The following DCAF4 variants were observed in gnomAD, a reference collection of about 807,000 sequenced individuals.
DCAF4 encodes the protein DDB1 and CUL4 associated factor 4.
DCAF4 carries 37 observed loss-of-function variants against 60.9 expected under a neutral mutation model. That is an observed-to-expected ratio of 0.61 (90% CI 0.47 to 0.80). DCAF4 has a LOEUF of 0.80. Among genes scored for constraint, DCAF4 ranks in the 30% least tolerant of loss-of-function variants. The pLI is 0.00. For synonymous variants in DCAF4, 243 were observed against 254.8 expected (o/e 0.95, Z 0.44); for missense variants, 577 against 650.0 (o/e 0.89, Z 1.22).
rs772833445 is a variant in DCAF4, at chr14:72,943,055, G to A, written c.493G>A (p.Asp165Asn). Residue 165 changes from aspartate (D) to asparagine (N), a missense_variant, in exon 6 of 14, where the codon GAT (aspartate) becomes AAT (asparagine). By Grantham distance (23) the Asp-to-Asn change is conservative (BLOSUM62 1). Transcript: ENST00000358377. ...ERKKVQIRSM[D>N]PSALASDRFN... is the part of the protein sequence containing the mutation. ...GAAAAAGGTCCAGATTCGAAGCATG[G>A]ATCCCTCCGCCTTGGCAAGCGACCG... The A allele has an allele frequency of 1.9e-6, 3 of 1,614,076 alleles. No homozygotes were observed. Among genetic ancestry groups the A allele is most frequent in the Non-Finnish European group, 2.5e-6 (3 of 1,180,030 alleles).
chr14:72,959,372 CTGT>C lies in DCAF4; in HGVS notation c.*569_*571del. ...TCAGCAGCAGATCTCCGGGATTCTGCTGTTATTATCCAAAGGCGTTGGAAGGAA... is the reference window on the plus strand; with the variant it reads ...TCAGCAGCAGATCTCCGGGATTCTGCTATTATCCAAAGGCGTTGGAAGGAA... On this transcript the variant is annotated 3_prime_UTR_variant, in exon 14 of 14. Transcript: ENST00000358377. 1 of 985,514 alleles carries C rather than the reference CTGT, an allele frequency of 1.0e-6. No individual in the cohort carries two copies. The highest frequency in any genetic ancestry group is 1.2e-6 in the Non-Finnish European group (1 of 830,012). The allele number at this position is 985,514 out of a possible 1,614,324, so 61.0% of individuals were successfully genotyped here.
intron 1 of DCAF4, chr14:72,929,472 G>A: frequency 1.6e-6 from 1 of 617,688 alleles, no homozygotes; most frequent in South Asian, 2.0e-5. Flanking sequence ...CAAGGCAGGA[G>A]GATCGCTGGA....
chr14:72,942,093 C>A, intron 5 of DCAF4: 1 of 398,652 alleles, frequency 2.5e-6, no homozygotes, highest in Non-Finnish European at 4.5e-6. Flanking sequence ...CTCTGTTACT[C>A]GTAAGTCATT....
At chr14:72,934,794 A>C (rs924086745) in intron 1 of DCAF4, among the ~76,000 whole-genome samples, 1 of 152,036 alleles carries the variant, frequency 6.6e-6, no homozygotes, top group South Asian at 2.1e-4. Context: ...ACAGCTTATT[A>C]TCTCTGCCCA....
intron 1 of DCAF4, chr14:72,930,058 G>A (rs1174754268): frequency 1.8e-6 from 1 of 550,210 alleles, no homozygotes; most frequent in Non-Finnish European, 3.2e-6. Context: ...TTGAGCCGGG[G>A]AGATGGAGGT....
intron 1 of DCAF4, among the ~76,000 whole-genome samples, chr14:72,928,096 G>A (rs1485276417): frequency 6.7e-6 from 1 of 148,256 alleles, no homozygotes; most frequent in Non-Finnish European, 1.5e-5. Flanking sequence ...CCACCGCCCT[G>A]GCCTGTAGAA....
intron 6 of DCAF4, 63 bp from the exon 7 acceptor site, chr14:72,945,821 C>T: frequency 1.2e-6 from 2 of 1,601,706 alleles, no homozygotes; most frequent in Non-Finnish European, 1.7e-6. Context: ...CGGGCAGGTC[C>T]CTCTTAGGCA....
At chr14:72,937,712 C>T (rs891748862) in intron 1 of DCAF4, among the ~76,000 whole-genome samples, 1 of 152,174 alleles carries the variant, frequency 6.6e-6, no homozygotes, top group African/African-American at 2.4e-5. Flanking sequence ...AGCCACCGCG[C>T]CTGGCCGACC....
chr14:72,958,235 T>C (rs940134528), intron 13 of DCAF4: 4 of 309,396 alleles, frequency 1.3e-5, no homozygotes, highest in Non-Finnish European at 2.5e-5. Flanking sequence ...ATCACACCAC[T>C]GCACTCCAGC....
chr14:72,928,394 A>G (rs1887972823), intron 1 of DCAF4, among the ~76,000 whole-genome samples: 1 of 148,718 alleles, frequency 6.7e-6, no homozygotes, highest in African/African-American at 2.5e-5. Flanking sequence ...GGTTTTCACC[A>G]TGTTGGCCAG....
At chr14:72,961,810 G>C, downstream of DCAF4, 1 of 1,031,974 alleles carries the variant, frequency 9.7e-7, no homozygotes, top group Non-Finnish European at 1.2e-6. Context: ...CCAAGAGGTG[G>C]ACTGGAAGCA....
rs138541438 is a variant in DCAF4, at chr14:72,956,456, A to G, written c.1250A>G (p.Tyr417Cys). ...QYEGHVNEYA[Y>C]LPLHVHEEEG... ...GAAGGCCACGTGAATGAGTACGCCT[A>G]CCTGCCCCTGCATGTGCACGAGGAA... Residue 417 changes from tyrosine to cysteine, a missense_variant, in exon 13 of 14, where the codon TAC becomes TGC. Coordinates refer to ENST00000358377, the MANE Select transcript of DCAF4 (RefSeq NM_015604.4). 2.5e-6 allele frequency: 4 copies of G among 1,613,500 alleles called. No homozygotes were observed. Among genetic ancestry groups the G allele is most frequent in the African/African-American group, 2.7e-5 (2 of 74,916 alleles).
chr14:72,955,442 G>A, intron 11 of DCAF4, 81 bp from the exon 12 acceptor site: 1 of 1,510,428 alleles, frequency 6.6e-7, no homozygotes, highest in Non-Finnish European at 9.0e-7. Context: ...TGGAAGAGGG[G>A]TTGTATCAGG....
chr14:72,933,376 T>C (rs1567296167), intron 1 of DCAF4, among the ~76,000 whole-genome samples: 1 of 152,156 alleles, frequency 6.6e-6, no homozygotes, highest in Non-Finnish European at 1.5e-5. Flanking sequence ...CTGGCCATTA[T>C]GGTGAAACCA....
intron 8 of DCAF4, 58 bp from the exon 9 acceptor site, chr14:72,951,740 C>T: frequency 1.3e-6 from 2 of 1,550,322 alleles, no homozygotes; most frequent in Non-Finnish European, 1.8e-6. Context: ...GGGTAAATGT[C>T]CATGCCTCCT....
At chr14:72,956,084 G>A (rs942930612) in intron 12 of DCAF4, among the ~76,000 whole-genome samples, 5 of 151,746 alleles carry the variant, frequency 3.3e-5, no homozygotes, top group African/African-American at 4.8e-5. Flanking sequence ...CACTGCGCCC[G>A]GCTAATTTTT....
At chr14:72,947,235 C>A (rs1370809136) in intron 8 of DCAF4, 44 bp downstream of exon 8, 1 of 1,610,038 alleles carries the variant, frequency 6.2e-7, no homozygotes, top group Non-Finnish European at 8.5e-7. Flanking sequence ...AGGCCACACC[C>A]TGACGTTGGA....
Position 72,959,207 on chromosome 14 carries a change from T to C in DCAF4, c.*402T>C. 1 of 991,812 alleles carries C rather than the reference T, an allele frequency of 1.0e-6. No homozygotes were observed. The highest frequency in any genetic ancestry group is 1.2e-6 in the Non-Finnish European group (1 of 834,168). 61.4% of individuals were successfully genotyped at this position (991,812 alleles called of 1,614,324 possible). On this transcript the variant is annotated 3_prime_UTR_variant, in exon 14 of 14. Transcript: ENST00000358377. ...TGAGATGGTTTGAGTCCTCGGTGCC[T>C]GGGTAGCAGGAAGAAAGACCTGCAT...
chr14:72,941,848 G>A, intron 5 of DCAF4, 24 bp downstream of exon 5: 1 of 1,607,274 alleles, frequency 6.2e-7, no homozygotes, highest in Non-Finnish European at 8.5e-7. Context: ...TCTTTGTTAT[G>A]TTTTCTTCAT....
Sources: allele counts gnomAD v4.1 joint callset (sites outside exome capture counted in the v4.1 genomes callset), GRCh38; gene constraint gnomAD v4.1.1; transcripts MANE v1.5; gene names NCBI Gene and HGNC (gene_info 2026-07-23, HGNC 2026-07-21).